SLCO5A1: variants seen among roughly 807,000 people sequenced by gnomAD.
SLCO5A1 encodes organic anion transporter polypeptide-related protein 4.
SLCO5A1 carries 39 observed loss-of-function variants against 65.1 expected under a neutral mutation model. The observed-to-expected ratio is 0.60, with a 90% CI of 0.46 to 0.78. The LOEUF is 0.78. SLCO5A1 is among the 30% of genes least tolerant of loss of function. SLCO5A1 has a pLI of 0.00. For synonymous variants in SLCO5A1, 438 were observed against 415.7 expected, an observed-to-expected ratio of 1.05 and a Z score of -0.65; for missense variants, 1,029 against 1,069.4, an observed-to-expected ratio of 0.96 and a Z score of 0.53.
intron 2 of SLCO5A1, among the ~76,000 whole-genome samples, chr8:69,809,694 T>C (rs967990473): frequency 6.6e-6 from 1 of 152,126 alleles, no homozygotes; most frequent in South Asian, 2.1e-4. Flanking sequence ...TTATGCTATC[T>C]TTCATGTATG....
At chr8:69,784,809 GAAAA>G (rs1232449077) in intron 2 of SLCO5A1, among the ~76,000 whole-genome samples, 11 of 21,602 alleles carry the variant, frequency 5.1e-4, no homozygotes, top group Non-Finnish European at 6.7e-4. Context: ...AAGAAAGAAA[GAAAA>G]AGAAAGAAAG....
intron 2 of SLCO5A1, among the ~76,000 whole-genome samples, chr8:69,807,744 C>T (rs1212962893): frequency 1.3e-5 from 2 of 152,160 alleles, no homozygotes; most frequent in Non-Finnish European, 2.9e-5. Flanking sequence ...CTCGGTCTGT[C>T]GCCCAGGCTG....
intron 2 of SLCO5A1, among the ~76,000 whole-genome samples, chr8:69,768,456 G>C (rs762739600): frequency 6.6e-6 from 1 of 152,090 alleles, no homozygotes; most frequent in Non-Finnish European, 1.5e-5. Flanking sequence ...AGACTGTATT[G>C]GTCATCTCAG....
chr8:69,761,013 A>G (rs912199401), intron 3 of SLCO5A1, among the ~76,000 whole-genome samples: 4 of 152,198 alleles, frequency 2.6e-5, no homozygotes. Context: ...ACCAAATACA[A>G]TAAGAAAGTG....
intron 2 of SLCO5A1, among the ~76,000 whole-genome samples, chr8:69,793,756 T>C (rs1819366801): frequency 1.3e-5 from 2 of 150,750 alleles, no homozygotes; most frequent in Admixed American, 1.3e-4. Context: ...CCAGCCTGGG[T>C]GACAGAGTGA....
chr8:69,817,984 A>G (rs1586832017), intron 2 of SLCO5A1, among the ~76,000 whole-genome samples: 2 of 152,190 alleles, frequency 1.3e-5, no homozygotes, highest in East Asian at 3.9e-4. Flanking sequence ...GAGTTCTACC[A>G]AAAGGGAGAA....
intron 2 of SLCO5A1, among the ~76,000 whole-genome samples, chr8:69,791,071 G>A (rs1292269139): frequency 6.6e-6 from 1 of 152,192 alleles, no homozygotes; most frequent in Non-Finnish European, 1.5e-5. Flanking sequence ...AGGAAGGGAT[G>A]AGGGAAAAGA....
intron 8 of SLCO5A1, among the ~76,000 whole-genome samples, chr8:69,678,476 T>A (rs529339661): frequency 9.3e-4 from 141 of 152,312 alleles, no homozygotes; most frequent in Non-Finnish European, 1.6e-3. Flanking sequence ...AATTAATCAC[T>A]TATGTCTTTA....
intron 3 of SLCO5A1, chr8:69,761,217 C>T (rs1817758074): frequency 6.4e-6 from 1 of 157,118 alleles, no homozygotes; most frequent in African/African-American, 2.4e-5. Context: ...AAGAAGTTAC[C>T]ACACACTTCG....
intron 2 of SLCO5A1, among the ~76,000 whole-genome samples, chr8:69,814,074 G>GA (rs113077458): frequency 0.033 from 4,949 of 151,976 alleles, 184 homozygotes; most frequent in African/African-American, 0.099. Flanking sequence ...CAAACTACAA[G>GA]AAAAAAACAT....
chr8:69,803,081 A>C (rs1819825546), intron 2 of SLCO5A1, among the ~76,000 whole-genome samples: 1 of 152,168 alleles, frequency 6.6e-6, no homozygotes, highest in Non-Finnish European at 1.5e-5. Context: ...GTAATCCCAG[A>C]TCAGCCTGGG....
intron 3 of SLCO5A1, among the ~76,000 whole-genome samples, chr8:69,757,449 T>C (rs1284910130): frequency 6.6e-6 from 1 of 151,198 alleles, no homozygotes; most frequent in African/African-American, 2.4e-5. Flanking sequence ...AGCACCGAGA[T>C]GGGTGGATCA....
chr8:69,825,152 C>G (rs904774356), intron 2 of SLCO5A1, among the ~76,000 whole-genome samples: 2 of 152,158 alleles, frequency 1.3e-5, no homozygotes, highest in African/African-American at 4.8e-5. Context: ...CTATCTCTGA[C>G]AAACCCACAG....
chr8:69,819,157 C>A (rs1820529680), intron 2 of SLCO5A1, among the ~76,000 whole-genome samples: 1 of 152,112 alleles, frequency 6.6e-6, no homozygotes, highest in African/African-American at 2.4e-5. Flanking sequence ...CTTCTCTCTG[C>A]CGCCACTGCT....
chr8:69,690,234 C>T (rs370141127), intron 6 of SLCO5A1, among the ~76,000 whole-genome samples: 20 of 152,138 alleles, frequency 1.3e-4, no homozygotes, highest in East Asian at 1.9e-4. Context: ...CATTCATGCG[C>T]GTCACTAATT....
At position 69,832,999 on chromosome 8, in the gene SLCO5A1, C is replaced by T. The variant is rs1158594664; in HGVS notation, c.-326G>A. 6.4e-6 allele frequency: 2 copies of T among 312,414 alleles called. No individual in the cohort carries two copies. The highest frequency in any genetic ancestry group is 5.4e-5 in the Admixed American group (1 of 18,384). 19.4% of individuals were successfully genotyped at this position (312,414 alleles called of 1,614,324 possible). A position where few individuals can be genotyped will look rare whatever the true frequency, so the allele number is the denominator to read the frequency against. On this transcript the variant is annotated 5_prime_UTR_variant, in exon 2 of 10. Coordinates refer to ENST00000260126, the MANE Select transcript of SLCO5A1 (RefSeq NM_030958.3). This position sits in a 1 kb window ranked among gnomAD's most constrained non-coding sequence, Gnocchi z 4.5. ...CGCGTCCCGGGCTCATCCCCTCCGC[C>T]GCCGCCGCCGCCGCCGCCGCTGGGC... is the stretch of plus-strand genomic sequence containing the variant.
intron 5 of SLCO5A1, among the ~76,000 whole-genome samples, chr8:69,729,026 GGTAA>G (rs1781182011): frequency 6.6e-6 from 1 of 152,162 alleles, no homozygotes; most frequent in Non-Finnish European, 1.5e-5. Flanking sequence ...AAATGTGGAA[GGTAA>G]GTGAGTCACC....
intron 2 of SLCO5A1, among the ~76,000 whole-genome samples, chr8:69,762,973 G>A (rs1817865624): frequency 6.6e-6 from 1 of 152,164 alleles, no homozygotes; most frequent in African/African-American, 2.4e-5. Flanking sequence ...CACTGCCAGT[G>A]TATCAAAAAG....
chr8:69,785,052 GA>G lies in SLCO5A1; in HGVS notation c.908-23178del, dbSNP rs1369831809. Among the ~76,000 whole-genome samples, 6 of 150,490 alleles carry G rather than the reference GA, an allele frequency of 4.0e-5. No homozygotes were observed. The East Asian group carries it at 1.2e-3, about 29-fold the overall frequency. ...AAGGAAGGGGAAAGAGAGAGAGAGA[GA>G]AAGGAAGAAAGGAAGGAAGGAAGGG... On this transcript the variant is annotated intron_variant, in intron 2 of 9. Coordinates refer to ENST00000260126, the MANE Select transcript of SLCO5A1 (RefSeq NM_030958.3).
Sources: allele counts gnomAD v4.1 joint callset (sites outside exome capture counted in the v4.1 genomes callset), GRCh38; gene constraint gnomAD v4.1.1; non-coding constraint Gnocchi (gnomAD v3.1); transcripts MANE v1.5; gene names NCBI Gene and HGNC (gene_info 2026-07-23, HGNC 2026-07-21).